FRMD1: variants seen among roughly 807,000 people sequenced by gnomAD.
The protein encoded by FRMD1 is FERM domain containing 1.
Under a neutral mutation model 54.9 loss-of-function variants are expected in FRMD1, and 51 were observed. The ratio of observed to expected loss-of-function variants is 0.93; its 90% CI spans 0.74 to 1.17. FRMD1 has a LOEUF of 1.17. FRMD1 is among the 50% of genes most tolerant of loss of function. The probability of loss-of-function intolerance (pLI) is 0.00; values close to 1 mark genes in which losing one functional copy is unlikely to be tolerated. For missense variants in FRMD1, 729 were observed against 743.0 expected, an observed-to-expected ratio of 0.98 and a Z score of 0.22; for synonymous variants, 324 against 306.4, an observed-to-expected ratio of 1.06 and a Z score of -0.60.
intron 7 of FRMD1, 122 bp downstream of exon 7, chr6:168,062,772 C>A: frequency 2.5e-6 from 4 of 1,594,102 alleles, no homozygotes; most frequent in Non-Finnish European, 3.4e-6. Context: ...CGCGTCCAGG[C>A]AGGGCCAGCC....
rs1800995202 is a variant in FRMD1, at chr6:168,090,288, GC to G, written c.-12+11136del. Among the ~76,000 whole-genome samples the G allele has an allele frequency of 3.3e-5, 5 of 152,160 alleles. No homozygotes were observed. In the South Asian group the frequency reaches 1.0e-3, roughly 32 times the overall value. ...TCACAGCAGAGAACTCCTGCTCAAAGCCCACAGACGGCTCCCACCTCCCTCC... is the reference window on the plus strand; with the variant it reads ...TCACAGCAGAGAACTCCTGCTCAAAGCCACAGACGGCTCCCACCTCCCTCC... On this transcript the variant is annotated intron_variant, in intron 1 of 12. Coordinates refer to the FRMD1 transcript ENST00000644440.
intron 1 of FRMD1, among the ~76,000 whole-genome samples, chr6:168,077,952 T>C (rs1800669405): frequency 6.6e-6 from 1 of 152,086 alleles, no homozygotes; most frequent in Non-Finnish European, 1.5e-5. Flanking sequence ...GCCACAAACA[T>C]AGATGTGGGC....
At chr6:168,092,264 G>T (rs1180803959) in intron 1 of FRMD1, among the ~76,000 whole-genome samples, 1 of 152,182 alleles carries the variant, frequency 6.6e-6, no homozygotes, top group Non-Finnish European at 1.5e-5. Context: ...CACAGTCCTT[G>T]TGCATCTCCA....
chr6:168,058,360 C>T (rs1418042392), intron 10 of FRMD1, among the ~76,000 whole-genome samples: 2 of 137,758 alleles, frequency 1.5e-5, no homozygotes, highest in Admixed American at 7.2e-5. Context: ...TCGTGCCCAG[C>T]CCTGTTCTCT....
rs916515680 is a variant in FRMD1, at chr6:168,054,584, T to G, written c.*2513A>C. 3 of 96,492 alleles carry G rather than the reference T, an allele frequency of 3.1e-5. No individual in the cohort carries two copies. Among genetic ancestry groups the G allele is most frequent in the African/African-American group, 1.2e-4 (3 of 24,208 alleles). 6.0% of individuals were successfully genotyped at this position (96,492 alleles called of 1,614,324 possible). ...CCACCCCCAGCCCTGCCCCCCACCC[T>G]CCTTCTTAGGAAACATCCCTGTCCC... On this transcript the variant is annotated 3_prime_UTR_variant, in exon 11 of 11. Transcript: ENST00000283309.
chr6:168,078,843 G>T, intron 1 of FRMD1, 39 bp downstream of exon 1: 2 of 1,469,120 alleles, frequency 1.4e-6, no homozygotes, highest in Non-Finnish European at 1.8e-6. Context: ...CACCCCCACA[G>T]CTCTGTTTAC....
Position 168,078,890 on chromosome 6 carries a change from C to A in FRMD1, c.205G>T (p.Ala69Ser). Residue 69 changes from alanine to serine, a missense_variant, in exon 1 of 11, where the codon GCC becomes TCC. Physicochemically the swap from Ala to Ser is moderately conservative, Grantham distance 99. Coordinates refer to ENST00000283309, the MANE Select transcript of FRMD1 (RefSeq NM_024919.6). ...CCCAGGGCCCTGCTCACCCCCACGG[C>A]CAGCCGCAGTTGCTCCCGGCTGGGC... Reference protein sequence around the residue: ...LLPSREQLRLAVGVKATGREL... With the variant: ...LLPSREQLRLSVGVKATGREL... 6.3e-7 allele frequency: 1 copy of A among 1,589,524 alleles called. No homozygotes were observed. The highest frequency in any genetic ancestry group is 8.5e-7 in the Non-Finnish European group (1 of 1,171,262).
At chr6:168,066,044 T>C in intron 4 of FRMD1, 2 of 999,970 alleles carry the variant, frequency 2.0e-6, no homozygotes, top group Non-Finnish European at 2.4e-6. Flanking sequence ...CCCACTCCTG[T>C]CGGGGAAAGC....
chr6:168,071,273 A>G (rs2114996798), intron 2 of FRMD1, among the ~76,000 whole-genome samples: 1 of 152,296 alleles, frequency 6.6e-6, no homozygotes, highest in Non-Finnish European at 1.5e-5. Context: ...GTTTTTTGCT[A>G]CAGGCCTCAA....
chr6:168,058,766 G>A (rs1322382874), intron 10 of FRMD1, among the ~76,000 whole-genome samples: 2 of 152,164 alleles, frequency 1.3e-5, no homozygotes, highest in South Asian at 2.1e-4. Flanking sequence ...GGAGGTGGAC[G>A]AAGGGGACGG....
Position 168,063,707 on chromosome 6 carries a change from A to T in FRMD1, c.698T>A (p.Leu233Gln). Reference sequence around the variant, plus strand: ...GCTCAGGCCCTGGCGCTCACGGTGCAGGGTAGGCATGTGCCGGAGGATGTA... The same window carrying T: ...GCTCAGGCCCTGGCGCTCACGGTGCTGGGTAGGCATGTGCCGGAGGATGTA... ...IDYILRHMPTLHRERQGLSPK... is the reference protein window; with the variant it reads ...IDYILRHMPTQHRERQGLSPK... Residue 233 changes from leucine (L) to glutamine (Q), a missense_variant, in exon 6 of 11, where the codon CTG becomes CAG. By Grantham distance (113) the Leu-to-Gln change is moderately radical. Coordinates refer to ENST00000283309, the MANE Select transcript of FRMD1 (RefSeq NM_024919.6). The T allele has an allele frequency of 6.2e-7, 1 of 1,613,770 alleles. No individual in the cohort carries two copies. Among genetic ancestry groups the T allele is most frequent in the Non-Finnish European group, 8.5e-7 (1 of 1,179,786 alleles).
rs141533034 is a variant in FRMD1, at chr6:168,078,952, G to T, written c.143C>A (p.Ala48Glu). The T allele has an allele frequency of 1.9e-6, 3 of 1,610,496 alleles. No individual in the cohort carries two copies. In the African/African-American group the frequency reaches 4.0e-5, roughly 22 times the overall value. ...GACATCCCTGTGTTCCGAGGCCATC[G>T]CGTCCATTCCCAGGGTCGGCTCCTG... Reference protein sequence around the residue: ...SQQEPTLGMDAMASEHRDVLV... With the variant: ...SQQEPTLGMDEMASEHRDVLV... The change falls in exon 1 of 11, where the codon GCG (alanine) becomes GAG (glutamate). Residue 48 changes from alanine to glutamate, a missense_variant. By Grantham distance (107) the Ala-to-Glu change is moderately radical. Coordinates refer to ENST00000283309, the MANE Select transcript of FRMD1 (RefSeq NM_024919.6).
chr6:168,075,961 C>T (rs1275144018), intron 1 of FRMD1: 7 of 926,478 alleles, frequency 7.6e-6, no homozygotes, highest in Non-Finnish European at 1.1e-5. Context: ...TTCCGGTGTC[C>T]CGTGTCCGCA....
intron 4 of FRMD1, 71 bp from the exon 5 acceptor site, chr6:168,065,128 G>C: frequency 6.6e-7 from 1 of 1,518,546 alleles, no homozygotes; most frequent in Non-Finnish European, 8.8e-7. Context: ...GCCCTGCCTT[G>C]TCCCTCCCCA....
chr6:168,084,251 A>G (rs1312014983), upstream of FRMD1, among the ~76,000 whole-genome samples: 1 of 152,202 alleles, frequency 6.6e-6, no homozygotes, highest in Non-Finnish European at 1.5e-5. Context: ...AAGGCATGAA[A>G]CCCATGCTTT....
At chr6:168,068,780 A>G (rs556964929) in intron 2 of FRMD1, among the ~76,000 whole-genome samples, 4 of 152,358 alleles carry the variant, frequency 2.6e-5, no homozygotes, top group African/African-American at 4.8e-5. Context: ...CCTGCATTAC[A>G]TATGAAGATA....
intron 4 of FRMD1, chr6:168,065,762 C>G (rs1040612136): frequency 2.0e-6 from 2 of 992,244 alleles, no homozygotes; most frequent in Non-Finnish European, 2.4e-6. Flanking sequence ...TCCCACACAA[C>G]CACACGCCCC....
chr6:168,066,879 C>T (rs778664769), intron 3 of FRMD1, 48 bp from the exon 4 acceptor site: 27 of 1,600,784 alleles, frequency 1.7e-5, no homozygotes, highest in South Asian at 2.3e-5. Context: ...AGGGAGGTGC[C>T]GCTGGCTGTC....
At position 168,059,149 on chromosome 6, in the gene FRMD1, C is replaced by T. The variant is rs758994513; in HGVS notation, c.1382G>A (p.Gly461Asp). 103 of 1,584,346 alleles carry T rather than the reference C, an allele frequency of 6.5e-5. No individual in the cohort carries two copies. The highest frequency in any genetic ancestry group is 5.8e-5 in the Non-Finnish European group (68 of 1,169,198). ...QEPCTQVRTRGQSAEAVHQIQ... is the reference protein window; with the variant it reads ...QEPCTQVRTRDQSAEAVHQIQ... ...CTGGTGCACGGCCTCGGCGCTCTGG[C>T]CTCTGGTCCTGACCTGGGTGCAGGG... The change falls in exon 10 of 11, where the codon GGC (glycine) becomes GAC (aspartate). Residue 461 changes from glycine (G) to aspartate (D), a missense_variant. Physicochemically the swap from Gly to Asp is moderately conservative, Grantham distance 94 (BLOSUM62 -1). Coordinates refer to ENST00000283309, the MANE Select transcript of FRMD1 (RefSeq NM_024919.6). The surrounding 1 kb of genome is among the most constrained non-coding windows in gnomAD (Gnocchi z 4.4).
Sources: gnomAD v4.1 joint callset for allele counts (sites outside exome capture counted in the v4.1 genomes callset) on GRCh38, gnomAD v4.1.1 for gene constraint, Gnocchi (gnomAD v3.1) non-coding constraint, MANE v1.5 for transcripts, NCBI Gene and HGNC (gene_info 2026-07-23, HGNC 2026-07-21) for gene names.